L2HGDH: variants seen among roughly 807,000 people sequenced by gnomAD.
L2HGDH encodes the protein L-2-hydroxyglutarate dehydrogenase, mitochondrial.
L2HGDH carries 34 observed loss-of-function variants against 51.5 expected under a neutral mutation model. The ratio of observed to expected loss-of-function variants is 0.66; its 90% confidence interval spans 0.50 to 0.88. L2HGDH has a LOEUF of 0.88. Ranked by LOEUF, L2HGDH falls within the 40% of genes least tolerant of loss-of-function variation. The pLI, the probability that L2HGDH is intolerant of heterozygous loss-of-function variation, is 0.00. For missense variants in L2HGDH, 558 were observed against 571.9 expected, an observed-to-expected ratio of 0.98 and a Z score of 0.25; for synonymous variants, 198 against 197.9, an observed-to-expected ratio of 1.00 and a Z score of -0.01.
At chr14:50,287,076 G>A (rs914694536) in intron 4 of L2HGDH, 1 of 573,040 alleles carries the variant, frequency 1.7e-6, no homozygotes. Context: ...GGAGCTGTGT[G>A]ACCCTGGGAA....
intron 9 of L2HGDH, among the ~76,000 whole-genome samples, chr14:50,248,698 G>A (rs1352015412): frequency 1.3e-5 from 2 of 152,200 alleles, no homozygotes; most frequent in East Asian, 1.9e-4. Context: ...TTTTTTAGCT[G>A]TAAGAATTTC....
rs747924080 is a variant in L2HGDH at position 50,249,882 on chromosome 14, C to CTTTTTT, written c.1197-2635_1197-2630dup. On this transcript the variant is annotated intron_variant, in intron 9 of 9. Coordinates refer to ENST00000267436, the MANE Select transcript of L2HGDH (RefSeq NM_024884.3). Reference sequence around the variant, plus strand: ...GGTCCCCAAGTCAAGGCTTACACTCCTTTTTTTTTTTTTTTTTTTTTTTTT... The same window carrying CTTTTTT: ...GGTCCCCAAGTCAAGGCTTACACTCCTTTTTTTTTTTTTTTTTTTTTTTTTTTTTTT... Among the ~76,000 whole-genome samples, 20 of 68,956 alleles carry CTTTTTT rather than the reference C, an allele frequency of 2.9e-4. 2 individuals are homozygous for CTTTTTT. The highest frequency in any genetic ancestry group is 1.5e-3 in the South Asian group (2 of 1,334). The allele number at this position is 68,956 out of a possible 152,430, so 45.2% of individuals were successfully genotyped here.
Position 50,259,366 on chromosome 14 carries a change from GTTT to G in L2HGDH, c.1196+5989_1196+5991del, listed in dbSNP as rs34041934. Among the ~76,000 whole-genome samples the G allele has an allele frequency of 5.0e-4, 65 of 130,682 alleles. 1 individual carries two copies. Among genetic ancestry groups the G allele is most frequent in the East Asian group, 2.4e-3 (11 of 4,636 alleles). 85.7% of individuals were successfully genotyped at this position (130,682 alleles called of 152,430 possible). A position where few individuals can be genotyped will look rare whatever the true frequency, so the allele number is the denominator to read the frequency against. ...TTCTTTCTGTTTTTTTTCTTTTTCG[GTTT>G]TTTTTTTTTTTTTTTCAGAAATGGG... On this transcript the variant is annotated intron_variant, in intron 9 of 9. Transcript: ENST00000267436.
chr14:50,290,723 G>A (rs371848116), intron 4 of L2HGDH, among the ~76,000 whole-genome samples: 1 of 151,858 alleles, frequency 6.6e-6, no homozygotes, highest in South Asian at 2.1e-4. Flanking sequence ...GAGTGCAGTG[G>A]CACAATCTCC....
chr14:50,272,472 T>C (rs1230913639), intron 6 of L2HGDH, among the ~76,000 whole-genome samples: 1 of 152,208 alleles, frequency 6.6e-6, no homozygotes, highest in Non-Finnish European at 1.5e-5. Flanking sequence ...AGTCATGCTT[T>C]ATGGAGCCTT....
At chr14:50,250,182 A>C (rs537286768) in intron 9 of L2HGDH, among the ~76,000 whole-genome samples, 1 of 152,190 alleles carries the variant, frequency 6.6e-6, no homozygotes, top group African/African-American at 2.4e-5. Context: ...GATTACAGGC[A>C]TGAGCCACCG....
At chr14:50,282,407 T>C (rs1890324139) in intron 5 of L2HGDH, 1 of 455,386 alleles carries the variant, frequency 2.2e-6, no homozygotes, top group Non-Finnish European at 4.4e-6. Context: ...TTTCCTTCAT[T>C]CTAACCACCA....
intron 1 of L2HGDH, among the ~76,000 whole-genome samples, chr14:50,310,852 C>T (rs995315390): frequency 6.6e-6 from 1 of 152,080 alleles, no homozygotes; most frequent in Non-Finnish European, 1.5e-5. Flanking sequence ...TCTACTCCCC[C>T]TATCCACCAA....
In L2HGDH at chr14:50,244,945, C is replaced by T; in HGVS notation, c.*2113G>A. On this transcript the variant is annotated 3_prime_UTR_variant, in exon 10 of 10. Transcript: ENST00000267436. ...TAAATGTGGTTCAGTACTCAAAGTT[C>T]TGCAGTCAGGTCGCCACATTTTCAT... 2 of 985,502 alleles carry T rather than the reference C, an allele frequency of 2.0e-6. No homozygotes were observed. The highest frequency in any genetic ancestry group is 2.4e-6 in the Non-Finnish European group (2 of 829,920). The allele number at this position is 985,502 out of a possible 1,614,324, so 61.0% of individuals were successfully genotyped here.
chr14:50,303,297 C>T (rs1962579), intron 1 of L2HGDH, among the ~76,000 whole-genome samples: 78,867 of 151,274 alleles, frequency 0.52, 20,884 homozygotes, highest in East Asian at 0.65. Flanking sequence ...TGGCGCGTGC[C>T]TGTAGTCCCA....
At chr14:50,285,303 G>T (rs1890507990) in intron 4 of L2HGDH, among the ~76,000 whole-genome samples, 1 of 152,148 alleles carries the variant, frequency 6.6e-6, no homozygotes, top group Admixed American at 6.6e-5. Flanking sequence ...TAATGACCAG[G>T]TCACACTGAG....
intron 6 of L2HGDH, 27 bp from the exon 7 acceptor site, chr14:50,269,357 T>C (rs1258936127): frequency 3.7e-6 from 6 of 1,608,410 alleles, no homozygotes; most frequent in Non-Finnish European, 5.1e-6. Flanking sequence ...GAACAGTTAT[T>C]TGTATAAAGT....
At chr14:50,258,536 C>T (rs1367003077) in intron 9 of L2HGDH, among the ~76,000 whole-genome samples, 1 of 145,702 alleles carries the variant, frequency 6.9e-6, no homozygotes, top group East Asian at 2.1e-4. Flanking sequence ...TTTTTTGAGA[C>T]AGGGTCTTGC....
At chr14:50,306,025 A>G (rs1252897785) in intron 1 of L2HGDH, among the ~76,000 whole-genome samples, 1 of 150,856 alleles carries the variant, frequency 6.6e-6, no homozygotes, top group African/African-American at 2.4e-5. Flanking sequence ...ACCCACAAAA[A>G]CGAGGACTGA....
chr14:50,280,627 A>G (rs1364190485), intron 5 of L2HGDH, among the ~76,000 whole-genome samples: 1 of 152,196 alleles, frequency 6.6e-6, no homozygotes, highest in Non-Finnish European at 1.5e-5. Context: ...TGTACATCTG[A>G]GTCCCATAGG....
rs1469100601 is a variant in L2HGDH at position 50,242,993 on chromosome 14, C to T, written c.*4065G>A. The T allele has an allele frequency of 1.0e-6, 1 of 985,318 alleles. No homozygotes were observed. The highest frequency in any genetic ancestry group is 1.2e-6 in the Non-Finnish European group (1 of 829,982). The allele number at this position is 985,318 out of a possible 1,614,324, so 61.0% of individuals were successfully genotyped here. A position where few individuals can be genotyped will look rare whatever the true frequency, so the allele number is the denominator to read the frequency against. ...AGTAGGCCCTACAAACTCCCGTAGG[C>T]CAGGGCCTGGCAGTATACCCCATTC... On this transcript the variant is annotated 3_prime_UTR_variant, in exon 10 of 10. Coordinates refer to ENST00000267436, the MANE Select transcript of L2HGDH (RefSeq NM_024884.3).
chr14:50,268,813 A>G (rs1169778417), intron 7 of L2HGDH, among the ~76,000 whole-genome samples: 1 of 152,198 alleles, frequency 6.6e-6, no homozygotes, highest in African/African-American at 2.4e-5. Flanking sequence ...CTGTACCTAC[A>G]GATAGTGAAC....
At chr14:50,247,962 T>C (rs1412149768) in intron 9 of L2HGDH, among the ~76,000 whole-genome samples, 1 of 152,044 alleles carries the variant, frequency 6.6e-6, no homozygotes, top group African/African-American at 2.4e-5. Flanking sequence ...GCCTGGCTAA[T>C]TAAAGAAAAT....
intron 5 of L2HGDH, among the ~76,000 whole-genome samples, chr14:50,282,030 T>C (rs1246059963): frequency 1.3e-5 from 2 of 152,052 alleles, no homozygotes; most frequent in African/African-American, 2.4e-5. Context: ...TTAGTAGAGA[T>C]GGGGTTTCAC....
Sources: allele counts gnomAD v4.1 joint callset (sites outside exome capture counted in the v4.1 genomes callset), GRCh38; gene constraint gnomAD v4.1.1; transcripts MANE v1.5; gene names NCBI Gene and HGNC (gene_info 2026-07-23, HGNC 2026-07-21).